The following GREB1L variants were observed in gnomAD, a reference collection of about 807,000 sequenced individuals.
GREB1L encodes GREB1-like protein.
In GREB1L, 17 loss-of-function variants were observed where a neutral mutation model predicts 200.8. That is an observed-to-expected ratio of 0.08 (90% CI 0.06 to 0.13). GREB1L has a LOEUF of 0.13. Among genes scored for constraint, GREB1L ranks in the 10% least tolerant of loss-of-function variants. The pLI, the probability that GREB1L is intolerant of heterozygous loss-of-function variation, is 1.00. For missense variants in GREB1L, 1,657 were observed against 2,367.7 expected (o/e 0.70, Z 6.23); for synonymous variants, 789 against 893.0 (o/e 0.88, Z 2.08).
intron 1 of GREB1L, among the ~76,000 whole-genome samples, chr18:21,278,559 G>T (rs1485993471): frequency 6.6e-6 from 1 of 152,010 alleles, no homozygotes; most frequent in Non-Finnish European, 1.5e-5. Context: ...AGAGCACTCA[G>T]TGTAAAGTGT....
chr18:21,289,082 G>A (rs1366103076), intron 1 of GREB1L, among the ~76,000 whole-genome samples: 1 of 152,108 alleles, frequency 6.6e-6, no homozygotes, highest in Non-Finnish European at 1.5e-5. Context: ...CCCAGTGACT[G>A]AGGACAAGAA....
intron 5 of GREB1L, among the ~76,000 whole-genome samples, chr18:21,396,947 C>G (rs1478764870): frequency 6.6e-6 from 1 of 151,930 alleles, no homozygotes; most frequent in Admixed American, 6.6e-5. Context: ...GTTTCAGGCA[C>G]AAATATCAGT....
intron 1 of GREB1L, among the ~76,000 whole-genome samples, chr18:21,358,533 T>G (rs1462110189): frequency 1.3e-5 from 2 of 152,188 alleles, no homozygotes; most frequent in Non-Finnish European, 2.9e-5. Flanking sequence ...GCCAGTATGG[T>G]CTTGATCTCC....
At chr18:21,242,936 A>C (rs1156730807) in intron 1 of GREB1L, among the ~76,000 whole-genome samples, 1 of 152,032 alleles carries the variant, frequency 6.6e-6, no homozygotes, top group Non-Finnish European at 1.5e-5. Flanking sequence ...GGGAAAGTTG[A>C]GAACGTCCAG....
intron 1 of GREB1L, among the ~76,000 whole-genome samples, chr18:21,309,216 C>T (rs1018972953): frequency 6.6e-6 from 1 of 152,172 alleles, no homozygotes. Context: ...TTTAGGAAAA[C>T]CTGCTTTGTA....
At chr18:21,468,453 G>A (rs571822965) in intron 15 of GREB1L, among the ~76,000 whole-genome samples, 6 of 152,236 alleles carry the variant, frequency 3.9e-5, no homozygotes, top group Admixed American at 3.9e-4. Flanking sequence ...TTTTAAAATT[G>A]TGGTGACTGT....
chr18:21,520,453 C>G (rs1027643052), intron 31 of GREB1L, among the ~76,000 whole-genome samples: 1 of 152,152 alleles, frequency 6.6e-6, no homozygotes, highest in Non-Finnish European at 1.5e-5. Flanking sequence ...CCTAATAGTC[C>G]TTTATTATGA....
At chr18:21,494,704 C>T (rs2036476769) in intron 19 of GREB1L, among the ~76,000 whole-genome samples, 1 of 152,000 alleles carries the variant, frequency 6.6e-6, no homozygotes, top group South Asian at 2.1e-4. Context: ...CAGTTCATTG[C>T]TTATAATAAC....
intron 15 of GREB1L, among the ~76,000 whole-genome samples, chr18:21,462,511 A>G (rs1261415669): frequency 6.6e-6 from 1 of 152,066 alleles, no homozygotes; most frequent in Non-Finnish European, 1.5e-5. Flanking sequence ...GTGCAGTGGC[A>G]CGATCTTGGC....
intron 1 of GREB1L, among the ~76,000 whole-genome samples, chr18:21,295,489 G>C (rs953815488): frequency 6.6e-6 from 1 of 152,188 alleles, no homozygotes; most frequent in African/African-American, 2.4e-5. Context: ...TGGCTGGAAA[G>C]TGTGCTTTGT....
intron 27 of GREB1L, 124 bp downstream of exon 27, chr18:21,508,715 GAAAAAAA>G: frequency 2.6e-6 from 1 of 380,006 alleles, no homozygotes; most frequent in African/African-American, 2.7e-5. Flanking sequence ...CCACTCTTCG[GAAAAAAA>G]AAAAAAAAAA....
At chr18:21,248,984 G>C (rs1305588154) in intron 1 of GREB1L, among the ~76,000 whole-genome samples, 3 of 152,092 alleles carry the variant, frequency 2.0e-5, no homozygotes, top group Non-Finnish European at 4.4e-5. Flanking sequence ...TTAGACAAAT[G>C]CACAAAGGCA....
intron 2 of GREB1L, among the ~76,000 whole-genome samples, chr18:21,381,533 A>G (rs1002381784): frequency 6.6e-6 from 1 of 152,208 alleles, no homozygotes; most frequent in African/African-American, 2.4e-5. Flanking sequence ...CCCACTGTAT[A>G]TGAACATAGA....
At chr18:21,421,991 T>C (rs1204202243) in intron 7 of GREB1L, among the ~76,000 whole-genome samples, 1 of 152,232 alleles carries the variant, frequency 6.6e-6, no homozygotes, top group Non-Finnish European at 1.5e-5. Context: ...AGGAGCTGTA[T>C]GACCTAGTGG....
intron 2 of GREB1L, among the ~76,000 whole-genome samples, chr18:21,368,040 T>C (rs1006632271): frequency 6.6e-6 from 1 of 152,154 alleles, no homozygotes; most frequent in South Asian, 2.1e-4. Context: ...TATACACATA[T>C]ATAGAGAGAA....
intron 2 of GREB1L, among the ~76,000 whole-genome samples, chr18:21,378,633 C>T (rs2040175268): frequency 1.3e-5 from 2 of 152,128 alleles, no homozygotes; most frequent in South Asian, 2.1e-4. Flanking sequence ...CCTTGGCCTC[C>T]CAAAGTGCTG....
chr18:21,254,548 A>G (rs894348055), intron 1 of GREB1L, among the ~76,000 whole-genome samples: 1 of 152,220 alleles, frequency 6.6e-6, no homozygotes, highest in East Asian at 1.9e-4. Context: ...TTAACACCCC[A>G]GTCTTACACT....
intron 7 of GREB1L, among the ~76,000 whole-genome samples, chr18:21,407,933 A>G (rs2030466101): frequency 6.6e-6 from 1 of 152,218 alleles, no homozygotes; most frequent in African/African-American, 2.4e-5. Flanking sequence ...TCATGGAGAC[A>G]GAGAGTAGAA....
intron 12 of GREB1L, among the ~76,000 whole-genome samples, chr18:21,450,070 C>T (rs2034444610): frequency 6.6e-6 from 1 of 152,182 alleles, no homozygotes; most frequent in African/African-American, 2.4e-5. Flanking sequence ...TATTTCAAAG[C>T]TCTCCCTAGT....
Sources: gnomAD v4.1 joint callset for allele counts (sites outside exome capture counted in the v4.1 genomes callset) on GRCh38, gnomAD v4.1.1 for gene constraint, MANE v1.5 for transcripts, NCBI Gene and HGNC (gene_info 2026-07-23, HGNC 2026-07-21) for gene names.